Variants in CKAP5 observed in about 807,000 individuals in gnomAD.
CKAP5 encodes cytoskeleton associated protein 5, also known as cytoskeleton-associated protein 5.
CKAP5 carries 27 observed loss-of-function variants against 232.8 expected under a neutral mutation model. The ratio of observed to expected loss-of-function variants is 0.12; its 90% CI spans 0.09 to 0.16. The LOEUF is 0.16. Ranked by LOEUF, CKAP5 falls within the 10% of genes least tolerant of loss-of-function variation. The probability of loss-of-function intolerance (pLI) is 1.00; values close to 1 mark genes in which losing one functional copy is unlikely to be tolerated. For synonymous variants in CKAP5, 785 were observed against 841.1 expected, an observed-to-expected ratio of 0.93 and a Z score of 1.16; for missense variants, 1,838 against 2,424.7, an observed-to-expected ratio of 0.76 and a Z score of 5.08.
At chr11:46,791,738 C>T (rs779064586) in intron 13 of CKAP5, among the ~76,000 whole-genome samples, 3 of 151,912 alleles carry the variant, frequency 2.0e-5, no homozygotes, top group Non-Finnish European at 4.4e-5. Context: ...AGAATATGTA[C>T]GGGGGAAAAA....
chr11:46,760,445 C>T, intron 33 of CKAP5, 167 bp downstream of exon 33: 1 of 728,792 alleles, frequency 1.4e-6, no homozygotes, highest in Non-Finnish European at 2.4e-6. Context: ...AAGACAAAGA[C>T]AATGAAGACT....
chr11:46,822,555 T>A (rs1363892592), intron 1 of CKAP5, among the ~76,000 whole-genome samples: 4 of 151,680 alleles, frequency 2.6e-5, no homozygotes, highest in African/African-American at 9.7e-5. Context: ...ATCGAGACCA[T>A]CCTGGCTAAC....
chr11:46,761,466 T>C (rs1295109917), intron 32 of CKAP5, among the ~76,000 whole-genome samples: 1 of 152,124 alleles, frequency 6.6e-6, no homozygotes, highest in East Asian at 1.9e-4. Flanking sequence ...TTAGAAAATA[T>C]AAGTAAACAT....
rs1216241048 is a variant in CKAP5, at chr11:46,788,791, G to C, written c.1876-18C>G. 3 of 1,558,842 alleles carry C rather than the reference G, an allele frequency of 1.9e-6. No individual in the cohort carries two copies. Among genetic ancestry groups the C allele is most frequent in the African/African-American group, 2.7e-5 (2 of 72,952 alleles). ...TCAACAGCCTTGAAGTAAAATAAGAGAATAAGAGTTTAAGGGTTAAAGGTT... is the reference window on the plus strand; with the variant it reads ...TCAACAGCCTTGAAGTAAAATAAGACAATAAGAGTTTAAGGGTTAAAGGTT... On this transcript the variant is annotated intron_variant, in intron 15 of 43. Coordinates refer to ENST00000529230, the MANE Select transcript of CKAP5 (RefSeq NM_001008938.4).
rs1332806260 is a variant in CKAP5 at position 46,824,344 on chromosome 11, A to C, written c.-37-3076T>G. Among the ~76,000 whole-genome samples the C allele has an allele frequency of 4.6e-5, 7 of 152,344 alleles. No individual in the cohort carries two copies. The East Asian group carries it at 7.7e-4, about 17-fold the overall frequency. On this transcript the variant is annotated intron_variant, in intron 1 of 43. Coordinates refer to ENST00000529230, the MANE Select transcript of CKAP5 (RefSeq NM_001008938.4). ...GGAACTCAAATACACCAATGATGGG[A>C]GACAGAATAGTTTAACAGTCTGGAA...
intron 38 of CKAP5, 80 bp from the exon 39 acceptor site, chr11:46,751,614 G>A (rs1447407785): frequency 9.9e-6 from 12 of 1,215,814 alleles, no homozygotes; most frequent in Admixed American, 4.4e-5. Context: ...CCTAAGCTTT[G>A]AGCTCACTTC....
intron 2 of CKAP5, among the ~76,000 whole-genome samples, chr11:46,818,927 T>A (rs1359187187): frequency 6.6e-6 from 1 of 152,220 alleles, no homozygotes; most frequent in Non-Finnish European, 1.5e-5. Flanking sequence ...CACTGTATAT[T>A]AATTTCAGCT....
chr11:46,797,390 CAAAA>C (rs112909367), intron 11 of CKAP5, among the ~76,000 whole-genome samples: 1 of 137,726 alleles, frequency 7.3e-6, no homozygotes, highest in Non-Finnish European at 1.6e-5. Context: ...ACAACAACAA[CAAAA>C]AAAAAAAAAC....
chr11:46,769,870 G>T, intron 26 of CKAP5, 93 bp downstream of exon 26: 6 of 1,391,392 alleles, frequency 4.3e-6, no homozygotes, highest in Non-Finnish European at 6.1e-6. Context: ...TACGCTGTAA[G>T]GAAATGTGAT....
chr11:46,804,455 G>C lies in CKAP5; in HGVS notation c.979-3151C>G, dbSNP rs147689146. Among the ~76,000 whole-genome samples the C allele has an allele frequency of 5.4e-3, 828 of 152,286 alleles. 7 individuals carry two copies. The highest frequency in any genetic ancestry group is 7.0e-3 in the Non-Finnish European group (478 of 68,010). On this transcript the variant is annotated intron_variant, in intron 8 of 43. Coordinates refer to ENST00000529230, the MANE Select transcript of CKAP5 (RefSeq NM_001008938.4). Reference sequence around the variant, plus strand: ...TGTCTTTTCAGTAATTTCTGTTCTAGACCAGGGAATGGAAGCTTTAGCTCA... The same window carrying C: ...TGTCTTTTCAGTAATTTCTGTTCTACACCAGGGAATGGAAGCTTTAGCTCA...
chr11:46,835,521 CA>C (rs1249797236), intron 1 of CKAP5, among the ~76,000 whole-genome samples: 1 of 151,790 alleles, frequency 6.6e-6, no homozygotes, highest in Non-Finnish European at 1.5e-5. Flanking sequence ...GTCAAAGGGA[CA>C]CAGGAGCCAA....
intron 1 of CKAP5, among the ~76,000 whole-genome samples, chr11:46,845,323 T>C (rs899564869): frequency 5.6e-4 from 85 of 152,174 alleles, no homozygotes; most frequent in African/African-American, 1.8e-3. Flanking sequence ...ACGCATAAAT[T>C]TGGGGCAAGT....
chr11:46,789,936 G>C (rs918062284), intron 15 of CKAP5, 140 bp downstream of exon 15: 2 of 553,034 alleles, frequency 3.6e-6, no homozygotes, highest in African/African-American at 3.7e-5. Context: ...GAAATAAAAA[G>C]TCCCACCTCA....
intron 20 of CKAP5, among the ~76,000 whole-genome samples, chr11:46,778,835 G>A (rs530694113): frequency 1.2e-4 from 19 of 152,310 alleles, no homozygotes; most frequent in Admixed American, 1.2e-3. Context: ...AGTACTTTGG[G>A]AGGCCAAGGC....
At position 46,826,800 on chromosome 11, in the gene CKAP5, G is replaced by T; in HGVS notation, c.-37-5532C>A. 1.9e-5 allele frequency: 3 copies of T among 154,416 alleles called. No individual in the cohort carries two copies. In the South Asian group the frequency reaches 5.3e-4, roughly 27 times the overall value. 9.6% of individuals were successfully genotyped at this position (154,416 alleles called of 1,614,324 possible). On this transcript the variant is annotated intron_variant, in intron 1 of 43. Coordinates refer to ENST00000529230, the MANE Select transcript of CKAP5 (RefSeq NM_001008938.4). ...GGAGAGGTCAGGGAAGCTAAGGTCC[G>T]AGCAGGATCAGCAGGAATACCCGGC...
intron 5 of CKAP5, 116 bp downstream of exon 5, chr11:46,810,891 T>C (rs1939259744): frequency 2.0e-6 from 2 of 996,280 alleles, no homozygotes; most frequent in Non-Finnish European, 2.8e-6. Context: ...AAAAGCTGAT[T>C]TCAAAATTAA....
At chr11:46,761,385 A>C (rs2065154108) in intron 32 of CKAP5, among the ~76,000 whole-genome samples, 1 of 152,188 alleles carries the variant, frequency 6.6e-6, no homozygotes, top group Admixed American at 6.5e-5. Flanking sequence ...TGGGCAAGAA[A>C]CTTCATTTTT....
chr11:46,758,802 G>T, intron 35 of CKAP5, 121 bp downstream of exon 35: 1 of 1,123,384 alleles, frequency 8.9e-7, no homozygotes, highest in Non-Finnish European at 1.3e-6. Context: ...TTCTTTCCTC[G>T]GGAAAGTATG....
At chr11:46,776,422 A>G (rs1486353974) in intron 23 of CKAP5, 39 bp from the exon 24 acceptor site, 1 of 1,574,540 alleles carries the variant, frequency 6.4e-7, no homozygotes, top group South Asian at 1.2e-5. Context: ...AATATCTACT[A>G]CAGTTTGGAG....
Sources: allele counts gnomAD v4.1 joint callset (sites outside exome capture counted in the v4.1 genomes callset), GRCh38; gene constraint gnomAD v4.1.1; transcripts MANE v1.5; gene names NCBI Gene and HGNC (gene_info 2026-07-23, HGNC 2026-07-21).